Variants in LRPPRC observed in about 807,000 individuals in gnomAD.
LRPPRC encodes leucine-rich PPR motif-containing protein, mitochondrial.
Under a neutral mutation model 180.3 loss-of-function variants are expected in LRPPRC, and 120 were observed. That is an observed-to-expected ratio of 0.67 (90% CI 0.57 to 0.77). The LOEUF is 0.77. Among genes scored for constraint, LRPPRC ranks in the 30% least tolerant of loss-of-function variants. LRPPRC has a pLI of 0.00. For synonymous variants in LRPPRC, 723 were observed against 600.0 expected, an observed-to-expected ratio of 1.21 and a Z score of -3.00; for missense variants, 2,012 against 1,657.2, an observed-to-expected ratio of 1.21 and a Z score of -3.72.
chr2:43,973,853 C>A lies in LRPPRC; in HGVS notation c.1203G>T (p.Gln401His). The stretch of plus-strand genomic sequence containing the variant: ...TGAACTGCAGAGGAAAGGAGTGCAT[C>A]TGGACTTCCTTTAACTTCTTACAGT... The part of the protein sequence containing the change: ...TDYCKKLKEV[Q>H]MHSFPLQFTL... The change falls in exon 10 of 38, where the codon CAG (glutamine) becomes CAT (histidine). Residue 401 changes from glutamine (Q) to histidine (H), a missense_variant. Transcript: ENST00000260665. 1 of 1,613,828 alleles carries A rather than the reference C, an allele frequency of 6.2e-7. No homozygotes were observed. Among genetic ancestry groups the A allele is most frequent in the Non-Finnish European group, 8.5e-7 (1 of 1,179,788 alleles).
chr2:43,994,862 C>G (rs894957068), intron 1 of LRPPRC, among the ~76,000 whole-genome samples: 1 of 152,198 alleles, frequency 6.6e-6, no homozygotes, highest in South Asian at 2.1e-4. Context: ...AGCATTTATT[C>G]GCCTATCTGA....
At chr2:43,894,517 TA>T in intron 36 of LRPPRC, 27 bp downstream of exon 36, 1 of 1,057,950 alleles carries the variant, frequency 9.5e-7, no homozygotes, top group Admixed American at 1.7e-5. Context: ...TTTAAATAAA[TA>T]ATATAGTCAA....
intron 29 of LRPPRC, among the ~76,000 whole-genome samples, chr2:43,915,232 T>TCTCTCTCTCTCTCTCACACA (rs1174216406): frequency 3.9e-5 from 2 of 51,884 alleles, no homozygotes; most frequent in Non-Finnish European, 6.9e-5. Flanking sequence ...TCTCTCTCTC[T>TCTCTCTCTCTCTCTCACACA]CACACACACA....
intron 24 of LRPPRC, 65 bp from the exon 25 acceptor site, chr2:43,934,361 T>G: frequency 2.6e-6 from 2 of 759,370 alleles, no homozygotes; most frequent in Non-Finnish European, 4.5e-6. Context: ...CAGTATCATA[T>G]GAAGTTCCAG....
At chr2:43,957,844 A>T (rs1425308265) in intron 13 of LRPPRC, among the ~76,000 whole-genome samples, 1 of 152,166 alleles carries the variant, frequency 6.6e-6, no homozygotes, top group Non-Finnish European at 1.5e-5. Context: ...AAGACAGCAC[A>T]TGAGAGGAAA....
chr2:43,966,746 AT>A (rs1384617643), intron 11 of LRPPRC, among the ~76,000 whole-genome samples: 20 of 143,084 alleles, frequency 1.4e-4, no homozygotes, highest in African/African-American at 5.3e-4. Context: ...CTAAAAAAAA[AT>A]AAAAATAAAA....
chr2:43,961,898 G>A (rs1673362305), intron 12 of LRPPRC, among the ~76,000 whole-genome samples: 1 of 152,136 alleles, frequency 6.6e-6, no homozygotes, highest in African/African-American at 2.4e-5. Context: ...AGGCAGAGGA[G>A]GTTGCAATGA....
At chr2:43,908,297 T>C (rs1671131098) in intron 30 of LRPPRC, among the ~76,000 whole-genome samples, 1 of 152,124 alleles carries the variant, frequency 6.6e-6, no homozygotes, top group Admixed American at 6.5e-5. Flanking sequence ...CTTGAAAGAA[T>C]TCACTACAGA....
chr2:43,895,936 T>G (rs1173110754), intron 35 of LRPPRC, among the ~76,000 whole-genome samples: 4 of 152,102 alleles, frequency 2.6e-5, no homozygotes. Flanking sequence ...TTTAAAAAAT[T>G]TTTTCAAAAG....
intron 12 of LRPPRC, among the ~76,000 whole-genome samples, chr2:43,962,909 C>G (rs538129098): frequency 6.6e-6 from 1 of 151,970 alleles, no homozygotes; most frequent in Non-Finnish European, 1.5e-5. Context: ...AGTTCAAGAC[C>G]AGCCTGGATA....
intron 31 of LRPPRC, among the ~76,000 whole-genome samples, chr2:43,905,041 C>T (rs1047203851): frequency 2.0e-5 from 3 of 152,100 alleles, no homozygotes; most frequent in Non-Finnish European, 4.4e-5. Context: ...AACCAGTGGC[C>T]CCCACCCCAA....
intron 23 of LRPPRC, among the ~76,000 whole-genome samples, chr2:43,939,068 C>G (rs946281150): frequency 6.7e-6 from 1 of 149,500 alleles, no homozygotes; most frequent in African/African-American, 2.5e-5. Flanking sequence ...GTCAGGAGAT[C>G]GAGACCATCC....
chr2:43,901,369 G>A lies in LRPPRC; in HGVS notation c.3520C>T (p.Leu1174Phe). ...TTATTGATGAAAACCATTTTTGAAA[G>A]TCCAATGGAGTCTTCGAGTCCATTT... is the stretch of plus-strand genomic sequence containing the variant. ...MLNGLEDSIG[L>F]SKMVFINNIA... The change falls in exon 32 of 38, where the codon CTT becomes TTT. Residue 1174 changes from leucine (L) to phenylalanine (F), a missense_variant. Leu to Phe is a conservative substitution (Grantham distance 22, BLOSUM62 0). Transcript: ENST00000260665. 1 of 1,613,994 alleles carries A rather than the reference G, an allele frequency of 6.2e-7. No individual in the cohort carries two copies. The highest frequency in any genetic ancestry group is 1.7e-5 in the Admixed American group (1 of 60,030).
Position 43,947,691 on chromosome 2 carries a change from G to T in LRPPRC, c.1965+40C>A, listed in dbSNP as rs565419439. On this transcript the variant is annotated intron_variant, in intron 19 of 37. Transcript: ENST00000260665. ...CAATCCAGAATACTCATTAAATATGGGTATTATAGCATGTAGAATCTAGTC... is the reference window on the plus strand; with the variant it reads ...CAATCCAGAATACTCATTAAATATGTGTATTATAGCATGTAGAATCTAGTC... 5 of 1,095,508 alleles carry T rather than the reference G, an allele frequency of 4.6e-6. No individual in the cohort carries two copies. The East Asian group carries it at 7.1e-5, about 16-fold the overall frequency. 67.9% of individuals were successfully genotyped at this position (1,095,508 alleles called of 1,614,324 possible).
chr2:43,924,916 G>C, intron 27 of LRPPRC, 151 bp downstream of exon 27: 1 of 650,666 alleles, frequency 1.5e-6, no homozygotes, highest in South Asian at 1.7e-5. Context: ...AACATTCTGT[G>C]ATAAAATTCA....
At chr2:43,896,589 G>A (rs1235905963) in intron 35 of LRPPRC, 45 bp downstream of exon 35, 3 of 1,167,556 alleles carry the variant, frequency 2.6e-6, no homozygotes, top group East Asian at 2.3e-5. Context: ...TTCTGAGCAA[G>A]GCACGTACAG....
intron 20 of LRPPRC, among the ~76,000 whole-genome samples, chr2:43,946,587 G>A (rs1278424051): frequency 1.3e-5 from 2 of 152,014 alleles, no homozygotes; most frequent in Non-Finnish European, 2.9e-5. Flanking sequence ...ATTTCAGGAT[G>A]CAGAAATATG....
intron 1 of LRPPRC, among the ~76,000 whole-genome samples, chr2:43,995,448 T>C (rs1674999342): frequency 6.6e-6 from 1 of 152,220 alleles, no homozygotes; most frequent in Non-Finnish European, 1.5e-5. Flanking sequence ...CCACCCAAGC[T>C]GGCCAAGTGT....
chr2:43,895,786 A>G (rs1471871700), intron 35 of LRPPRC, among the ~76,000 whole-genome samples: 1 of 152,212 alleles, frequency 6.6e-6, no homozygotes, highest in Non-Finnish European at 1.5e-5. Context: ...GAAACTTCAT[A>G]AAGAACCCAA....
Sources: allele counts gnomAD v4.1 joint callset (sites outside exome capture counted in the v4.1 genomes callset), GRCh38; gene constraint gnomAD v4.1.1; transcripts MANE v1.5; gene names NCBI Gene and HGNC (gene_info 2026-07-23, HGNC 2026-07-21).